Variants in BANK1 observed in about 807,000 individuals in gnomAD.
The protein encoded by BANK1 is B-cell scaffold protein with ankyrin repeats.
Under a neutral mutation model 94.5 loss-of-function variants are expected in BANK1, and 95 were observed. That is an observed-to-expected ratio of 1.00 (90% CI 0.85 to 1.19). The LOEUF (loss-of-function observed/expected upper bound fraction) is 1.19, where lower values mean the gene tolerates loss of function less well. Ranked by LOEUF, BANK1 falls within the 50% of genes most tolerant of loss-of-function variation. The pLI is 0.00. For synonymous variants in BANK1, 334 were observed against 308.4 expected (o/e 1.08, Z -0.87); for missense variants, 987 against 932.2 (o/e 1.06, Z -0.77).
intron 1 of BANK1, among the ~76,000 whole-genome samples, chr4:101,798,645 T>A (rs891620750): frequency 2.0e-5 from 3 of 152,188 alleles, no homozygotes; most frequent in African/African-American, 7.2e-5. Context: ...TTTTTAGTGA[T>A]TGCTATTCTA....
chr4:101,841,505 T>C (rs1727043205), intron 2 of BANK1, among the ~76,000 whole-genome samples: 1 of 152,114 alleles, frequency 6.6e-6, no homozygotes, highest in Non-Finnish European at 1.5e-5. Flanking sequence ...TGACAACTAT[T>C]CCATGGGAAA....
In BANK1 at chr4:101,855,368, C is replaced by T. The variant is rs1046421174; in HGVS notation, c.624+179C>T. 2.6e-5 allele frequency among the ~76,000 whole-genome samples: 4 copies of T among 152,078 alleles called. No homozygotes were observed. In the East Asian group the frequency reaches 5.8e-4, roughly 22 times the overall value. ...TGTTGAGATTGCAGGCATGAGCCACCGCATCCAGCCCACCTGTTATTTTTT... is the reference window on the plus strand; with the variant it reads ...TGTTGAGATTGCAGGCATGAGCCACTGCATCCAGCCCACCTGTTATTTTTT... On this transcript the variant is annotated intron_variant, in intron 3 of 16. Transcript: ENST00000322953.
intron 5 of BANK1, among the ~76,000 whole-genome samples, chr4:101,872,873 A>G (rs1293393720): frequency 6.6e-6 from 1 of 152,022 alleles, no homozygotes; most frequent in Non-Finnish European, 1.5e-5. Context: ...CTGTAATCCC[A>G]TCTACTCAGG....
At position 102,030,091 on chromosome 4, in the gene BANK1, G is replaced by T; in HGVS notation, c.1726G>T (p.Asp576Tyr). The T allele has an allele frequency of 1.2e-6, 2 of 1,613,908 alleles. No individual in the cohort carries two copies. The highest frequency in any genetic ancestry group is 1.7e-6 in the Non-Finnish European group (2 of 1,179,916). The change falls in exon 10 of 17, where the codon GAC becomes TAC. Residue 576 changes from aspartate (D) to tyrosine (Y), a missense_variant. Transcript: ENST00000322953. ...GGAAAAAGAGCAGGAGGAGGAAGAA[G>T]ACCCATATACTTTTGCTGAGATTGA... ...EEEKEQEEEE[D>Y]PYTFAEIDDS...
chr4:101,943,243 C>G (rs1415658406), intron 7 of BANK1, among the ~76,000 whole-genome samples: 2 of 151,896 alleles, frequency 1.3e-5, no homozygotes, highest in Admixed American at 6.6e-5. Flanking sequence ...AGTGCCTTGC[C>G]CTCAAGGCAA....
At chr4:101,999,511 C>G (rs975636409) in intron 7 of BANK1, among the ~76,000 whole-genome samples, 1 of 152,176 alleles carries the variant, frequency 6.6e-6, no homozygotes, top group Admixed American at 6.5e-5. Context: ...CCTCTCTTCT[C>G]TACTAGAGTT....
At chr4:101,830,834 A>C (rs182619514) in intron 2 of BANK1, among the ~76,000 whole-genome samples, 1 of 152,118 alleles carries the variant, frequency 6.6e-6, no homozygotes, top group Non-Finnish European at 1.5e-5. Flanking sequence ...CTCAACTCCC[A>C]GTCTTCTAAC....
intron 10 of BANK1, among the ~76,000 whole-genome samples, chr4:102,042,228 ATTTAT>A (rs1423206164): frequency 2.6e-5 from 4 of 152,030 alleles, no homozygotes; most frequent in African/African-American, 9.7e-5. Context: ...CTCTTACAAC[ATTTAT>A]TTTAATATCC....
At chr4:101,805,247 C>T (rs1158557778) in intron 1 of BANK1, among the ~76,000 whole-genome samples, 1 of 152,056 alleles carries the variant, frequency 6.6e-6, no homozygotes, top group Non-Finnish European at 1.5e-5. Flanking sequence ...AAATATTTTT[C>T]TATCTAAAAT....
chr4:101,854,884 A>G, intron 2 of BANK1, 151 bp from the exon 3 acceptor site: 2 of 545,930 alleles, frequency 3.7e-6, no homozygotes, highest in South Asian at 6.4e-5. Context: ...TATTTTAATT[A>G]TTAACATTGG....
At chr4:101,927,294 A>G (rs939665762) in intron 7 of BANK1, among the ~76,000 whole-genome samples, 2 of 151,782 alleles carry the variant, frequency 1.3e-5, no homozygotes, top group East Asian at 2.0e-4. Flanking sequence ...CAAGAACAGC[A>G]TGGGGGAAAA....
chr4:101,957,870 A>C (rs961727528), intron 7 of BANK1, among the ~76,000 whole-genome samples: 4 of 118,934 alleles, frequency 3.4e-5, no homozygotes, highest in African/African-American at 1.3e-4. Flanking sequence ...TTTGAGACGG[A>C]GTCTCGCTCT....
At chr4:101,830,295 C>T in intron 2 of BANK1, 89 bp downstream of exon 2, 2 of 1,101,432 alleles carry the variant, frequency 1.8e-6, no homozygotes, top group Non-Finnish European at 2.5e-6. Flanking sequence ...GAACCAATAA[C>T]TGGTGTCAGG....
rs191210058 is a variant in BANK1 at position 101,924,837 on chromosome 4, A to G, written c.1206+6648A>G. Reference sequence around the variant, plus strand: ...ATTATATTCATCACTCAGGTTTTTTATATCAGAAATGTTATATTCTCATAA... The same window carrying G: ...ATTATATTCATCACTCAGGTTTTTTGTATCAGAAATGTTATATTCTCATAA... On this transcript the variant is annotated intron_variant, in intron 7 of 16. Coordinates refer to ENST00000322953, the MANE Select transcript of BANK1 (RefSeq NM_017935.5). Among the ~76,000 whole-genome samples the G allele has an allele frequency of 5.3e-5, 8 of 151,900 alleles. No homozygotes were observed. The South Asian group carries it at 1.2e-3, about 24-fold the overall frequency.
intron 11 of BANK1, among the ~76,000 whole-genome samples, chr4:102,046,043 T>C (rs1727866970): frequency 6.7e-6 from 1 of 149,280 alleles, no homozygotes; most frequent in South Asian, 2.2e-4. Context: ...CTTCAAACTA[T>C]ACTACAAGGC....
chr4:102,071,401 T>A, intron 14 of BANK1, 97 bp downstream of exon 14: 1 of 1,225,070 alleles, frequency 8.2e-7, no homozygotes, highest in Non-Finnish European at 1.2e-6. Flanking sequence ...ATTAAGCAAG[T>A]CAGTGTAAAC....
intron 7 of BANK1, among the ~76,000 whole-genome samples, chr4:101,938,502 C>T (rs1191544547): frequency 6.6e-6 from 1 of 151,262 alleles, no homozygotes; most frequent in African/African-American, 2.4e-5. Context: ...GATGGATACC[C>T]CATTTACCCT....
At chr4:101,791,619 A>G (rs923368189) in intron 1 of BANK1, among the ~76,000 whole-genome samples, 2 of 152,230 alleles carry the variant, frequency 1.3e-5, no homozygotes, top group African/African-American at 4.8e-5. Flanking sequence ...CAGTGATATA[A>G]AAATGTTTTT....
At chr4:101,965,072 A>G (rs931504670) in intron 7 of BANK1, among the ~76,000 whole-genome samples, 2 of 151,580 alleles carry the variant, frequency 1.3e-5, no homozygotes, top group Non-Finnish European at 2.9e-5. Flanking sequence ...AATTTCATCC[A>G]TGTCCCTACA....
Sources: gnomAD v4.1 joint callset for allele counts (sites outside exome capture counted in the v4.1 genomes callset) on GRCh38, gnomAD v4.1.1 for gene constraint, MANE v1.5 for transcripts, NCBI Gene and HGNC (gene_info 2026-07-23, HGNC 2026-07-21) for gene names.